IL1R2: variants seen among roughly 807,000 people sequenced by gnomAD.
The protein encoded by IL1R2 is interleukin-1 receptor type 2.
A neutral mutation model predicts 39.5 loss-of-function variants in IL1R2; 46 were observed. The ratio of observed to expected loss-of-function variants is 1.16; its 90% CI spans 0.92 to 1.49. The LOEUF is 1.49. IL1R2 is among the 40% of genes most tolerant of loss of function. IL1R2 has a pLI of 0.00. For synonymous variants in IL1R2, 207 were observed against 189.6 expected (o/e 1.09, Z -0.75); for missense variants, 537 against 502.0 (o/e 1.07, Z -0.67).
chr2:102,014,542 T>C (rs1676870198), intron 3 of IL1R2, among the ~76,000 whole-genome samples: 1 of 152,236 alleles, frequency 6.6e-6, no homozygotes, highest in African/African-American at 2.4e-5. Flanking sequence ...TTCATCTATT[T>C]TCCCTTTTTA....
At chr2:102,024,927 G>C in intron 7 of IL1R2, 1 of 428,412 alleles carries the variant, frequency 2.3e-6, no homozygotes, top group Non-Finnish European at 4.2e-6. Flanking sequence ...ATTAAACATT[G>C]ATCCTTTTAT....
chr2:101,992,127 G>A (rs1675357611), intron 1 of IL1R2, 116 bp downstream of exon 1: 1 of 152,212 alleles, frequency 6.6e-6, no homozygotes, highest in African/African-American at 2.4e-5. Context: ...GAGAGAGAGG[G>A]AAAGGCAAAG....
chr2:102,028,361 A>T lies in IL1R2; in HGVS notation c.1166A>T (p.His389Leu), dbSNP rs371938220. The T allele has an allele frequency of 1.2e-6, 2 of 1,603,360 alleles. No homozygotes were observed. ...GATGGTCTGACTGTGCTATGGCCTC[A>T]TCATCAAGACTTTCAATCCTATCCC... ...KADGLTVLWP[H>L]HQDFQSYPK Residue 389 changes from histidine (H) to leucine (L), a missense_variant, in exon 9 of 9, where the codon CAT (histidine) becomes CTT (leucine). Physicochemically the swap from His to Leu is moderately conservative, Grantham distance 99. Transcript: ENST00000332549.
At chr2:102,015,076 A>G (rs1455766546) in intron 3 of IL1R2, among the ~76,000 whole-genome samples, 2 of 152,198 alleles carry the variant, frequency 1.3e-5, no homozygotes, top group Non-Finnish European at 2.9e-5. Flanking sequence ...GTTTTCTAAA[A>G]CTAGACTTCA....
intron 3 of IL1R2, among the ~76,000 whole-genome samples, chr2:102,015,485 TCACTTAACTTACCACTTAA>T (rs1676937429): frequency 6.6e-6 from 1 of 152,222 alleles, no homozygotes; most frequent in Non-Finnish European, 1.5e-5. Flanking sequence ...AATAGCGTTG[TCACTTAACTTACCACTTAA>T]CACTTAACTT....
At chr2:102,013,576 G>GAAAAAAAAAAA (rs1559421494) in intron 3 of IL1R2, among the ~76,000 whole-genome samples, 1 of 54,718 alleles carries the variant, frequency 1.8e-5, no homozygotes, top group African/African-American at 6.5e-5. Context: ...AGAAAAGAAG[G>GAAAAAAAAAAA]AAAAGAAAAA....
rs368078017 is a variant in IL1R2, at chr2:102,028,385, C to G, written c.1190C>G (p.Pro397Arg). 1 of 1,591,588 alleles carries G rather than the reference C, an allele frequency of 6.3e-7. No individual in the cohort carries two copies. The highest frequency in any genetic ancestry group is 8.6e-7 in the Non-Finnish European group (1 of 1,167,346). ...WPHHQDFQSYPK is the reference protein window; with the variant it reads ...WPHHQDFQSYRK ...CATCATCAAGACTTTCAATCCTATC[C>G]CAAGTGAAATAAATGGAATGAAATA... The change falls in exon 9 of 9, where the codon CCC becomes CGC. Residue 397 changes from proline (P) to arginine (R), a missense_variant. Coordinates refer to ENST00000332549, the MANE Select transcript of IL1R2 (RefSeq NM_004633.4).
Position 102,026,138 on chromosome 2 carries a change from C to T in IL1R2, c.915C>T (p.Tyr305=). 1 of 1,607,542 alleles carries T rather than the reference C, an allele frequency of 6.2e-7. No individual in the cohort carries two copies. Residue 305 remains tyrosine, a synonymous_variant, in exon 8 of 9, where the codon TAC becomes TAT. Coordinates refer to ENST00000332549, the MANE Select transcript of IL1R2 (RefSeq NM_004633.4). ...RQEYSENNEN[Y]IEVPLIFDPV... ...AATATTCAGAAAATAATGAGAACTA[C>T]ATTGAAGTGCCATTGATTTTTGATC...
rs531765842 is a variant in IL1R2, at chr2:102,004,567, A to T, written c.-61-3948A>T. 2.0e-5 allele frequency among the ~76,000 whole-genome samples: 3 copies of T among 152,026 alleles called. No individual in the cohort carries two copies. In the South Asian group the frequency reaches 6.2e-4, roughly 32 times the overall value. On this transcript the variant is annotated intron_variant, in intron 1 of 8. Transcript: ENST00000332549. Reference sequence around the variant, plus strand: ...GCTGCCCTTGAAATTTCTTTCTTCCAGTAAGAAGGTCAACTCAGATTCCAG... The same window carrying T: ...GCTGCCCTTGAAATTTCTTTCTTCCTGTAAGAAGGTCAACTCAGATTCCAG...
chr2:102,005,209 G>A (rs1459931668), intron 1 of IL1R2, among the ~76,000 whole-genome samples: 2 of 152,156 alleles, frequency 1.3e-5, no homozygotes, highest in African/African-American at 4.8e-5. Context: ...ATTCCCGTAA[G>A]CCTGACCCTG....
At chr2:102,018,924 G>T (rs1019822460) in intron 4 of IL1R2, among the ~76,000 whole-genome samples, 1 of 152,102 alleles carries the variant, frequency 6.6e-6, no homozygotes, top group African/African-American at 2.4e-5. Context: ...CTGTGTTCTC[G>T]TTCGGAGTAA....
At chr2:102,022,990 C>A (rs184707904) in intron 6 of IL1R2, among the ~76,000 whole-genome samples, 1 of 152,176 alleles carries the variant, frequency 6.6e-6, no homozygotes, top group African/African-American at 2.4e-5. Flanking sequence ...CAGGGCATCA[C>A]GTTGGCTCAG....
intron 6 of IL1R2, 95 bp from the exon 7 acceptor site, chr2:102,024,438 G>A: frequency 1.2e-6 from 1 of 849,316 alleles, no homozygotes. Flanking sequence ...GGTGAGGGGT[G>A]TTTGAGAAGC....
intron 1 of IL1R2, among the ~76,000 whole-genome samples, chr2:102,001,413 C>T (rs539615894): frequency 2.4e-4 from 36 of 152,330 alleles, no homozygotes; most frequent in South Asian, 1.0e-3. Flanking sequence ...CTCCCTGCAA[C>T]GTGGCCTCCA....
chr2:102,024,125 A>T (rs1677579071), intron 6 of IL1R2, among the ~76,000 whole-genome samples: 1 of 152,138 alleles, frequency 6.6e-6, no homozygotes, highest in African/African-American at 2.4e-5. Flanking sequence ...TCATCTGGGA[A>T]TGGAGAGTTC....
intron 3 of IL1R2, among the ~76,000 whole-genome samples, chr2:102,013,549 AAAAGGAAAGAAAGAAAAGAAAAG>A (rs1676777472): frequency 1.4e-5 from 2 of 138,624 alleles, no homozygotes; most frequent in African/African-American, 3.0e-5. Context: ...AAAAAAAAAA[AAAAGGAAAGAAAGAAAAGAAAAG>A]AAGGAAAAGA....
At position 102,018,144 on chromosome 2, in the gene IL1R2, C is replaced by T. The variant is rs3218929; in HGVS notation, c.514-1494C>T. On this transcript the variant is annotated intron_variant, in intron 4 of 8. Transcript: ENST00000332549. Reference sequence around the variant, plus strand: ...AGAGATAGGGTCTCACCATGTTGGCCAGGCTGGCCTCGAACTCCTGGGTTC... The same window carrying T: ...AGAGATAGGGTCTCACCATGTTGGCTAGGCTGGCCTCGAACTCCTGGGTTC... Among the ~76,000 whole-genome samples, 498 of 152,318 alleles carry T rather than the reference C, an allele frequency of 3.3e-3. 4 individuals carry two copies. Among genetic ancestry groups the T allele is most frequent in the African/African-American group, 0.011 (473 of 41,570 alleles).
chr2:102,017,561 G>C (rs761467079), intron 4 of IL1R2, among the ~76,000 whole-genome samples: 2 of 152,126 alleles, frequency 1.3e-5, no homozygotes, highest in Non-Finnish European at 2.9e-5. Context: ...TGTAGACCGG[G>C]GTTGGAAAAC....
At chr2:102,018,462 TAA>T (rs1442509635) in intron 4 of IL1R2, among the ~76,000 whole-genome samples, 1 of 152,188 alleles carries the variant, frequency 6.6e-6, no homozygotes, top group African/African-American at 2.4e-5. Flanking sequence ...TTTCAAAGAT[TAA>T]ATGGAATCAT....
Sources: gnomAD v4.1 joint callset for allele counts (sites outside exome capture counted in the v4.1 genomes callset) on GRCh38, gnomAD v4.1.1 for gene constraint, MANE v1.5 for transcripts, NCBI Gene and HGNC (gene_info 2026-07-23, HGNC 2026-07-21) for gene names.